DRC11: variants seen among roughly 807,000 people sequenced by gnomAD.
DRC11 encodes IQ and AAA domain-containing protein 1.
At chr2:236,376,597 A>T in the DRC11 span, among the ~76,000 whole-genome samples, 7 of 152,224 alleles carry the variant, frequency 4.6e-5, no homozygotes, top group African/African-American at 1.7e-4. The surrounding 1 kb of genome is among the most constrained non-coding windows in gnomAD (Gnocchi z 5.7). Flanking sequence ...TTTTCAGGTC[A>T]TCATGGTGTT....
chr2:236,447,313 A>G, the DRC11 span, among the ~76,000 whole-genome samples: 1 of 151,648 alleles, frequency 6.6e-6, no homozygotes, highest in African/African-American at 2.4e-5. This position sits in a 1 kb window ranked among gnomAD's most constrained non-coding sequence, Gnocchi z 4.6. Flanking sequence ...GGAGGGCCCC[A>G]TCCAGTAGGG....
At chr2:236,448,802 G>A in the DRC11 span, among the ~76,000 whole-genome samples, 213 of 152,288 alleles carry the variant, frequency 1.4e-3, 2 homozygotes, top group Middle Eastern at 6.8e-3. This position sits in a 1 kb window ranked among gnomAD's most constrained non-coding sequence, Gnocchi z 5.3. Flanking sequence ...GGGAGCCATG[G>A]AATTTCATGT....
At chr2:236,422,705 A>G in the DRC11 span, among the ~76,000 whole-genome samples, 1 of 152,332 alleles carries the variant, frequency 6.6e-6, no homozygotes, top group East Asian at 1.9e-4. Context: ...AAACTACTTT[A>G]AAGTTCATAT....
chr2:236,503,747 C>G, the DRC11 span: 48 of 1,499,348 alleles, frequency 3.2e-5, no homozygotes, highest in Middle Eastern at 1.4e-3. This position sits in a 1 kb window ranked among gnomAD's most constrained non-coding sequence, Gnocchi z 4.9. Context: ...CGTGACCACA[C>G]CCCCTCCCAC....
At chr2:236,450,283 C>G in the DRC11 span, among the ~76,000 whole-genome samples, 1 of 140,830 alleles carries the variant, frequency 7.1e-6, no homozygotes, top group Non-Finnish European at 1.6e-5. Context: ...GAGTTACATT[C>G]TCTATTTGGC....
chr2:236,381,321 C>T, the DRC11 span, among the ~76,000 whole-genome samples: 1 of 151,962 alleles, frequency 6.6e-6, no homozygotes, highest in Non-Finnish European at 1.5e-5. The surrounding 1 kb of genome is among the most constrained non-coding windows in gnomAD (Gnocchi z 5.8). Flanking sequence ...AGCCTAAGAA[C>T]GTTGTTATAG....
the DRC11 span, among the ~76,000 whole-genome samples, chr2:236,355,721 A>ATCTCTCTC: frequency 2.7e-5 from 4 of 147,960 alleles, no homozygotes; most frequent in South Asian, 6.5e-4. Context: ...CTAATTGTAC[A>ATCTCTCTC]TCTCTCTCTC....
the DRC11 span, among the ~76,000 whole-genome samples, chr2:236,416,828 T>C: frequency 4.1e-5 from 6 of 145,298 alleles, no homozygotes; most frequent in Admixed American, 2.1e-4. Flanking sequence ...TGGCACATTA[T>C]TGGCTCACTG....
At chr2:236,311,243 C>A in the DRC11 span, among the ~76,000 whole-genome samples, 2 of 152,202 alleles carry the variant, frequency 1.3e-5, no homozygotes, top group Admixed American at 6.5e-5. The surrounding 1 kb of genome is among the most constrained non-coding windows in gnomAD (Gnocchi z 6.9). Flanking sequence ...TCGAGCCTGG[C>A]CAGCAGGGCA....
the DRC11 span, among the ~76,000 whole-genome samples, chr2:236,427,919 T>C: frequency 2.6e-5 from 4 of 152,172 alleles, no homozygotes; most frequent in African/African-American, 9.6e-5. This position sits in a 1 kb window ranked among gnomAD's most constrained non-coding sequence, Gnocchi z 5.9. Context: ...TCATAGGTTT[T>C]AGTATGTTGT....
the DRC11 span, among the ~76,000 whole-genome samples, chr2:236,467,808 T>C: frequency 1.2e-3 from 184 of 152,322 alleles, no homozygotes; most frequent in African/African-American, 4.2e-3. Flanking sequence ...AAAAACATTA[T>C]CTTAAAGATT....
chr2:236,497,805 A>G, the DRC11 span, among the ~76,000 whole-genome samples: 1 of 152,236 alleles, frequency 6.6e-6, no homozygotes, highest in African/African-American at 2.4e-5. This position sits in a 1 kb window ranked among gnomAD's most constrained non-coding sequence, Gnocchi z 5.1. Context: ...GTTGATATCC[A>G]GAATAGTTAA....
At chr2:236,441,929 A>G in the DRC11 span, among the ~76,000 whole-genome samples, 7 of 152,116 alleles carry the variant, frequency 4.6e-5, no homozygotes, top group Non-Finnish European at 1.0e-4. Flanking sequence ...GCTATCAATA[A>G]TTTACTGTGT....
the DRC11 span, chr2:236,399,381 C>G: frequency 6.4e-7 from 1 of 1,568,970 alleles, no homozygotes; most frequent in East Asian, 2.2e-5. This position sits in a 1 kb window ranked among gnomAD's most constrained non-coding sequence, Gnocchi z 7.0. Context: ...GTGCTGCTGT[C>G]TTGGTGACCA....
At chr2:236,316,145 T>TTCTCAC in the DRC11 span, among the ~76,000 whole-genome samples, 1 of 146,124 alleles carries the variant, frequency 6.8e-6, no homozygotes, top group African/African-American at 2.5e-5. The surrounding 1 kb of genome is among the most constrained non-coding windows in gnomAD (Gnocchi z 6.8). Flanking sequence ...ACTTATTTTC[T>TTCTCAC]TCTCTCTCTC....
chr2:236,507,465 C>T, the DRC11 span: 1 of 603,622 alleles, frequency 1.7e-6, no homozygotes, highest in Non-Finnish European at 3.0e-6. Flanking sequence ...GCTTCGCAGG[C>T]ACGGAGCGCG....
At chr2:236,357,031 T>TTA in the DRC11 span, among the ~76,000 whole-genome samples, 1 of 77,502 alleles carries the variant, frequency 1.3e-5, no homozygotes, top group South Asian at 3.1e-4. Flanking sequence ...ATCTATATAT[T>TTA]TATATATTCA....
chr2:236,454,447 T>G, the DRC11 span, among the ~76,000 whole-genome samples: 1 of 152,182 alleles, frequency 6.6e-6, no homozygotes, highest in Non-Finnish European at 1.5e-5. The surrounding 1 kb of genome is among the most constrained non-coding windows in gnomAD (Gnocchi z 5.3). Flanking sequence ...AAAAAGTTAT[T>G]TTCCTTCTCA....
chr2:236,338,711 G>A, the DRC11 span, among the ~76,000 whole-genome samples: 1 of 152,204 alleles, frequency 6.6e-6, no homozygotes, highest in Non-Finnish European at 1.5e-5. Flanking sequence ...GTAATGAGCT[G>A]TGGTGCTCCC....
Sources: allele counts gnomAD v4.1 joint callset (sites outside exome capture counted in the v4.1 genomes callset), GRCh38; gene constraint gnomAD v4.1.1; non-coding constraint Gnocchi (gnomAD v3.1); transcripts MANE v1.5; gene names NCBI Gene and HGNC (gene_info 2026-07-23, HGNC 2026-07-21).